SLC44A5: variants seen among roughly 807,000 people sequenced by gnomAD.
SLC44A5 encodes solute carrier family 44 member 5.
SLC44A5 carries 57 observed loss-of-function variants against 101.8 expected under a neutral mutation model. That is an observed-to-expected ratio of 0.56 (90% CI 0.45 to 0.70). SLC44A5 has a LOEUF of 0.70. Among genes scored for constraint, SLC44A5 ranks in the 30% least tolerant of loss-of-function variants. The pLI is 0.00. For synonymous variants in SLC44A5, 281 were observed against 290.9 expected (o/e 0.97, Z 0.35); for missense variants, 737 against 853.1 (o/e 0.86, Z 1.70).
chr1:75,533,760 T>C (rs534888605), intron 2 of SLC44A5, among the ~76,000 whole-genome samples: 4 of 152,356 alleles, frequency 2.6e-5, no homozygotes, highest in Non-Finnish European at 5.9e-5. Flanking sequence ...CATTTCCCCA[T>C]TGCAATACCC....
intron 12 of SLC44A5, among the ~76,000 whole-genome samples, chr1:75,233,496 A>G (rs1316819374): frequency 6.6e-6 from 1 of 152,132 alleles, no homozygotes; most frequent in Non-Finnish European, 1.5e-5. Flanking sequence ...CAAAAGTGTA[A>G]TTCGGAATAC....
chr1:75,644,173 G>C, the SLC44A5 span, among the ~76,000 whole-genome samples: 3 of 151,998 alleles, frequency 2.0e-5, no homozygotes, highest in African/African-American at 4.8e-5. Flanking sequence ...CAAGGGAACT[G>C]GTAAAATTTT....
At chr1:75,360,649 G>A (rs1480959147) in intron 3 of SLC44A5, among the ~76,000 whole-genome samples, 1 of 152,050 alleles carries the variant, frequency 6.6e-6, no homozygotes, top group Non-Finnish European at 1.5e-5. Flanking sequence ...TAGGTTCTCT[G>A]TCCCGTGCCA....
intron 2 of SLC44A5, among the ~76,000 whole-genome samples, chr1:75,519,447 A>T (rs955670894): frequency 7.2e-4 from 109 of 152,266 alleles, no homozygotes; most frequent in African/African-American, 2.6e-3. Flanking sequence ...AATCCCAGCG[A>T]CTTGGGAGGC....
intron 5 of SLC44A5, among the ~76,000 whole-genome samples, chr1:75,296,309 G>T (rs371223103): frequency 2.0e-4 from 31 of 151,658 alleles, no homozygotes; most frequent in African/African-American, 7.5e-4. Context: ...AAATGACAAA[G>T]AATTTGCAGC....
At chr1:75,517,824 T>C (rs1475679) in intron 2 of SLC44A5, among the ~76,000 whole-genome samples, 152,332 of 152,368 alleles carry the variant, frequency 1, 76,148 homozygotes, top group Middle Eastern at 1. Flanking sequence ...CCCTGTCTTA[T>C]TGACAATCTC....
chr1:75,641,936 A>G, the SLC44A5 span: 84 of 1,605,890 alleles, frequency 5.2e-5, no homozygotes, highest in Non-Finnish European at 6.8e-5. Flanking sequence ...TTTCTTTGCC[A>G]TGGAACATAT....
chr1:75,322,973 G>A (rs1467296148), intron 4 of SLC44A5, among the ~76,000 whole-genome samples: 1 of 151,576 alleles, frequency 6.6e-6, no homozygotes, highest in African/African-American at 2.4e-5. Context: ...TAAGTTTTAG[G>A]GTACATGTGC....
At chr1:75,614,836 C>A (rs937894743), upstream of SLC44A5, among the ~76,000 whole-genome samples, 1 of 152,174 alleles carries the variant, frequency 6.6e-6, no homozygotes, top group Non-Finnish European at 1.5e-5. Context: ...TTCCTCACCG[C>A]GCATGGTGTC....
intron 1 of SLC44A5, among the ~76,000 whole-genome samples, chr1:75,606,365 T>C (rs1160695381): frequency 2.0e-5 from 3 of 151,966 alleles, no homozygotes; most frequent in Admixed American, 2.0e-4. Flanking sequence ...CATTCTACAT[T>C]AATTCATCTT....
At position 75,508,986 on chromosome 1, in the gene SLC44A5, C is replaced by T. The variant is rs115462774; in HGVS notation, c.13+32449G>A. 8.0e-3 allele frequency among the ~76,000 whole-genome samples: 1,212 copies of T among 152,280 alleles called. 27 individuals are homozygous for T. The highest frequency in any genetic ancestry group is 0.027 in the African/African-American group (1,134 of 41,554). On this transcript the variant is annotated intron_variant, in intron 2 of 23. Coordinates refer to ENST00000370859, the MANE Select transcript of SLC44A5 (RefSeq NM_001130058.2). ...TTTTCTAGAATTAAAAGGAAATACACGTCATGATGACAATGACAAAGCTGG... is the reference window on the plus strand; with the variant it reads ...TTTTCTAGAATTAAAAGGAAATACATGTCATGATGACAATGACAAAGCTGG...
At chr1:75,260,911 C>T (rs928623397) in intron 6 of SLC44A5, among the ~76,000 whole-genome samples, 3 of 152,108 alleles carry the variant, frequency 2.0e-5, no homozygotes, top group African/African-American at 7.2e-5. Context: ...AGACAACATG[C>T]TCCTGAATGA....
intron 4 of SLC44A5, among the ~76,000 whole-genome samples, chr1:75,318,168 T>C (rs1411324928): frequency 6.6e-6 from 1 of 152,000 alleles, no homozygotes; most frequent in Admixed American, 6.6e-5. Context: ...CTTGAGGCCA[T>C]AGTTTCAAAA....
rs193076117 is a variant in SLC44A5, at chr1:75,263,196, C to T, written c.260+11762G>A. On this transcript the variant is annotated intron_variant, in intron 6 of 23. Coordinates refer to ENST00000370859, the MANE Select transcript of SLC44A5 (RefSeq NM_001130058.2). ...ATTAACATCAGAGTGAACAAGCAAC[C>T]GACAGAATGGGAGAAAATTTTTGCA... is the stretch of plus-strand genomic sequence containing the variant. 7.9e-5 allele frequency among the ~76,000 whole-genome samples: 12 copies of T among 152,160 alleles called. No homozygotes were observed. The East Asian group carries it at 1.4e-3, about 17-fold the overall frequency.
intron 1 of SLC44A5, among the ~76,000 whole-genome samples, chr1:75,573,163 T>C: frequency 9.9e-6 from 1 of 101,020 alleles, no homozygotes; most frequent in Non-Finnish European, 2.0e-5. Flanking sequence ...AAGGAAATAG[T>C]ATATAAAGGT....
intron 3 of SLC44A5, among the ~76,000 whole-genome samples, chr1:75,366,600 A>G (rs992461900): frequency 9.9e-5 from 15 of 152,162 alleles, no homozygotes; most frequent in Admixed American, 2.6e-4. Context: ...GCCATTATTT[A>G]TTTAAACAAG....
At chr1:75,503,868 G>A (rs1669099369) in intron 2 of SLC44A5, among the ~76,000 whole-genome samples, 1 of 152,176 alleles carries the variant, frequency 6.6e-6, no homozygotes, top group South Asian at 2.1e-4. Flanking sequence ...AACCAGGTCT[G>A]TAGTGTATCC....
intron 4 of SLC44A5, among the ~76,000 whole-genome samples, chr1:75,330,992 C>G (rs1348053569): frequency 7.1e-6 from 1 of 140,552 alleles, no homozygotes; most frequent in East Asian, 2.2e-4. Context: ...TTGGCTTCTA[C>G]AACATCTGAT....
intron 1 of SLC44A5, among the ~76,000 whole-genome samples, chr1:75,566,291 G>A (rs1179467187): frequency 6.6e-6 from 1 of 152,082 alleles, no homozygotes; most frequent in African/African-American, 2.4e-5. Context: ...AATTCTATGA[G>A]ATTTAGAAAT....
Sources: gnomAD v4.1 joint callset for allele counts (sites outside exome capture counted in the v4.1 genomes callset) on GRCh38, gnomAD v4.1.1 for gene constraint, MANE v1.5 for transcripts, NCBI Gene and HGNC (gene_info 2026-07-23, HGNC 2026-07-21) for gene names.